Variants in CTSC observed in about 807,000 individuals in gnomAD.
The protein encoded by CTSC is dipeptidyl peptidase 1.
CTSC carries 37 observed loss-of-function variants against 40.9 expected under a neutral mutation model. The ratio of observed to expected loss-of-function variants is 0.91; its 90% confidence interval spans 0.70 to 1.19. CTSC has a LOEUF of 1.19. Among genes scored for constraint, CTSC ranks in the 50% most tolerant of loss-of-function variants. The probability of loss-of-function intolerance (pLI) is 0.00; values close to 1 mark genes in which losing one functional copy is unlikely to be tolerated. For missense variants in CTSC, 594 were observed against 567.3 expected, an observed-to-expected ratio of 1.05 and a Z score of -0.48; for synonymous variants, 232 against 207.4, an observed-to-expected ratio of 1.12 and a Z score of -1.02.
chr11:88,325,048 A>C (rs1938143226), intron 2 of CTSC: 1 of 985,102 alleles, frequency 1.0e-6, no homozygotes, highest in Admixed American at 6.2e-5. Context: ...AGACAATATG[A>C]ATTAAACATA....
chr11:88,296,369 T>TTG (rs1443327375), intron 5 of CTSC, 105 bp from the exon 6 acceptor site: 2 of 1,398,030 alleles, frequency 1.4e-6, no homozygotes, highest in East Asian at 4.8e-5. Flanking sequence ...ATACTGAATG[T>TTG]TGTTGTTTAT....
chr11:88,307,556 C>CTTTTT (rs5793311), intron 4 of CTSC, among the ~76,000 whole-genome samples: 47 of 73,492 alleles, frequency 6.4e-4, no homozygotes, highest in Middle Eastern at 7.4e-3. Context: ...ATACTGATAA[C>CTTTTT]TTTTTTTTTT....
chr11:88,302,630 A>C (rs1223757068), intron 4 of CTSC, among the ~76,000 whole-genome samples: 1 of 20,980 alleles, frequency 4.8e-5, no homozygotes, highest in East Asian at 3.0e-3. Flanking sequence ...CGCCTCAAAA[A>C]AAAAAAAAAA....
At chr11:88,329,822 G>A (rs1184388150) in intron 2 of CTSC, among the ~76,000 whole-genome samples, 5 of 152,164 alleles carry the variant, frequency 3.3e-5, no homozygotes, top group African/African-American at 9.7e-5. Context: ...TGTCTCCAGC[G>A]TTCAAGTGAT....
At chr11:88,337,268 T>C (rs1474858841) in intron 1 of CTSC, among the ~76,000 whole-genome samples, 1 of 152,140 alleles carries the variant, frequency 6.6e-6, no homozygotes, top group African/African-American at 2.4e-5. Flanking sequence ...TTGATCAAAG[T>C]GTTGAGTCCC....
chr11:88,295,139 T>C (rs1266902302), intron 6 of CTSC, among the ~76,000 whole-genome samples: 1 of 152,242 alleles, frequency 6.6e-6, no homozygotes, highest in Non-Finnish European at 1.5e-5. Flanking sequence ...AAAGATTGTC[T>C]TGATATATTA....
intron 4 of CTSC, among the ~76,000 whole-genome samples, chr11:88,302,048 A>T (rs532504174): frequency 2.8e-4 from 43 of 151,834 alleles, no homozygotes; most frequent in Non-Finnish European, 2.9e-5. Context: ...CCCAGCGAAA[A>T]CTCACTTCCT....
Position 88,294,073 on chromosome 11 carries a change from C to A in CTSC, c.1325G>T (p.Arg442Leu), listed in dbSNP as rs775201891. ...AATTGCACACTCATCAGTTCCTCTG[C>A]GGATCCGGAAGTAGCCATTCTCACC... is the stretch of plus-strand genomic sequence containing the variant. The part of the protein sequence containing the change: ...GWGENGYFRI[R>L]RGTDECAIES... Residue 442 changes from arginine (R) to leucine (L), a missense_variant, in exon 7 of 7, where the codon CGC (arginine) becomes CTC (leucine). Coordinates refer to ENST00000227266, the MANE Select transcript of CTSC (RefSeq NM_001814.6). The A allele has an allele frequency of 3.7e-6, 6 of 1,613,884 alleles. No homozygotes were observed. Among genetic ancestry groups the A allele is most frequent in the African/African-American group, 2.7e-5 (2 of 74,898 alleles).
intron 3 of CTSC, among the ~76,000 whole-genome samples, chr11:88,311,849 G>A (rs1414199795): frequency 2.0e-5 from 3 of 152,206 alleles, no homozygotes; most frequent in Non-Finnish European, 2.9e-5. Flanking sequence ...GGCCTTGGAA[G>A]AAACCAAACC....
chr11:88,331,805 G>C (rs1047246856), intron 2 of CTSC, among the ~76,000 whole-genome samples: 1 of 152,126 alleles, frequency 6.6e-6, no homozygotes, highest in South Asian at 2.1e-4. Context: ...TGGTATGAGG[G>C]TCTTAGAAAC....
intron 2 of CTSC, among the ~76,000 whole-genome samples, chr11:88,330,618 G>T (rs1346439348): frequency 6.6e-6 from 1 of 152,042 alleles, no homozygotes. Flanking sequence ...AAAGTGCTGG[G>T]ATTACAGGTA....
intron 2 of CTSC, chr11:88,325,805 G>C: frequency 1.0e-6 from 1 of 985,804 alleles, no homozygotes; most frequent in African/African-American, 1.7e-5. Flanking sequence ...ATCTGAGAAA[G>C]CCTCTTTTTT....
chr11:88,329,427 G>A (rs974403507), intron 2 of CTSC, among the ~76,000 whole-genome samples: 2 of 140,736 alleles, frequency 1.4e-5, no homozygotes, highest in Admixed American at 1.5e-4. Context: ...AGGAGCGAGG[G>A]CCTGGGAGAC....
chr11:88,307,960 T>C (rs1937669145), intron 4 of CTSC, among the ~76,000 whole-genome samples: 1 of 152,152 alleles, frequency 6.6e-6, no homozygotes, highest in African/African-American at 2.4e-5. Flanking sequence ...ACTGGAGTTT[T>C]ATTATTACTC....
chr11:88,296,843 T>A (rs1476069048), intron 5 of CTSC: 1 of 158,486 alleles, frequency 6.3e-6, no homozygotes. Context: ...AGTCAGCCTG[T>A]GAGTCCTATT....
chr11:88,328,842 T>C (rs764996480), intron 2 of CTSC, among the ~76,000 whole-genome samples: 5 of 152,128 alleles, frequency 3.3e-5, no homozygotes, highest in Non-Finnish European at 7.4e-5. Flanking sequence ...GAGGCTGGAC[T>C]CCATCTTCTG....
chr11:88,311,750 T>C (rs1015760055), intron 3 of CTSC, among the ~76,000 whole-genome samples: 4 of 152,174 alleles, frequency 2.6e-5, no homozygotes, highest in Non-Finnish European at 5.9e-5. Flanking sequence ...ATATGACTGA[T>C]GCCCTTATAA....
At position 88,334,953 on chromosome 11, in the gene CTSC, C is replaced by G; in HGVS notation, c.302G>C (p.Trp101Ser). 6.2e-7 allele frequency: 1 copy of G among 1,612,652 alleles called. No homozygotes were observed. Among genetic ancestry groups the G allele is most frequent in the Non-Finnish European group, 8.5e-7 (1 of 1,178,962 alleles). ...AAAACTAACCTTAAAAAAGGCAAAC[C>G]ACTTGTAGTCATTCAACACAATCTC... ...GFEIVLNDYK[W>S]FAFFKYKEEG... is the part of the protein sequence containing the mutation. Residue 101 changes from tryptophan (W) to serine (S), a missense_variant, in exon 2 of 7, where the codon TGG (tryptophan) becomes TCG (serine). By Grantham distance (177) the Trp-to-Ser change is radical. Transcript: ENST00000227266.
chr11:88,326,377 T>C (rs766245055), intron 2 of CTSC: 1 of 1,613,852 alleles, frequency 6.2e-7, no homozygotes, highest in Admixed American at 1.7e-5. Context: ...GCTCTGTCTC[T>C]TAGCCCCAAC....
Sources: allele counts gnomAD v4.1 joint callset (sites outside exome capture counted in the v4.1 genomes callset), GRCh38; gene constraint gnomAD v4.1.1; transcripts MANE v1.5; gene names NCBI Gene and HGNC (gene_info 2026-07-23, HGNC 2026-07-21).